The following MACROD1 variants were observed in gnomAD, a reference collection of about 807,000 sequenced individuals.
The protein encoded by MACROD1 is mono-ADP ribosylhydrolase 1, also known as ADP-ribose glycohydrolase MACROD1.
In MACROD1, 31 loss-of-function variants were observed where a neutral mutation model predicts 41.4. That is an observed-to-expected ratio of 0.75 (90% CI 0.56 to 1.01). The LOEUF (loss-of-function observed/expected upper bound fraction) is 1.01. Among genes scored for constraint, MACROD1 ranks in the 50% least tolerant of loss-of-function variants. MACROD1 has a pLI of 0.00. For missense variants in MACROD1, 473 were observed against 460.0 expected (o/e 1.03, Z -0.26); for synonymous variants, 252 against 203.4 (o/e 1.24, Z -2.03).
In MACROD1 at chr11:64,165,623, G is replaced by GT. The variant is rs1486183057; in HGVS notation, c.298+73dup. 32 of 1,287,360 alleles carry GT rather than the reference G, an allele frequency of 2.5e-5. No homozygotes were observed. In the Admixed American group the frequency reaches 1.3e-3, roughly 52 times the overall value. The allele number at this position is 1,287,360 out of a possible 1,614,324, so 79.7% of individuals were successfully genotyped here. A position where few individuals can be genotyped will look rare whatever the true frequency, so the allele number is the denominator to read the frequency against. On this transcript the variant is annotated intron_variant, in intron 1 of 10. Coordinates refer to ENST00000255681, the MANE Select transcript of MACROD1 (RefSeq NM_014067.4). ...CTCGGGTGGAAGGGGCTGCTCGCTCGTTGGGGGCCGCCCAGCCGGGAAGCT... is the reference window on the plus strand; with the variant it reads ...CTCGGGTGGAAGGGGCTGCTCGCTCGTTTGGGGGCCGCCCAGCCGGGAAGCT...
chr11:64,096,609 G>C lies in MACROD1; in HGVS notation c.517+54630C>G, dbSNP rs1024336570. On this transcript the variant is annotated intron_variant, in intron 3 of 10. Coordinates refer to ENST00000255681, the MANE Select transcript of MACROD1 (RefSeq NM_014067.4). This position sits in a 1 kb window ranked among gnomAD's most constrained non-coding sequence, Gnocchi z 4.6. ...TTTTTTATTTTTAGTAGACACGGGG[G>C]TATCAACATGTTGGCCAGGCTGGTC... Among the ~76,000 whole-genome samples the C allele has an allele frequency of 8.5e-5, 13 of 152,126 alleles. No individual in the cohort carries two copies. Among genetic ancestry groups the C allele is most frequent in the Admixed American group, 3.3e-4 (5 of 15,276 alleles).
intron 3 of MACROD1, among the ~76,000 whole-genome samples, chr11:64,137,230 G>A (rs989576872): frequency 2.0e-5 from 3 of 152,296 alleles, no homozygotes; most frequent in Non-Finnish European, 4.4e-5. Flanking sequence ...GCCAGCTGCC[G>A]TGAGCACGAC....
chr11:64,165,521 CGCGGGG>C (rs1945825924), intron 1 of MACROD1, among the ~76,000 whole-genome samples, 170 bp downstream of exon 1: 1 of 151,532 alleles, frequency 6.6e-6, no homozygotes, highest in Non-Finnish European at 1.5e-5. Context: ...TGGGAACACG[CGCGGGG>C]GCGGGGGGGG....
In MACROD1 at chr11:64,146,441, T is replaced by G. The variant is rs1945496754; in HGVS notation, c.517+4798A>C. 6.6e-6 allele frequency among the ~76,000 whole-genome samples: 1 copy of G among 152,138 alleles called. No homozygotes were observed. Among genetic ancestry groups the G allele is most frequent in the African/African-American group, 2.4e-5 (1 of 41,428 alleles). On this transcript the variant is annotated intron_variant, in intron 3 of 10. Coordinates refer to ENST00000255681, the MANE Select transcript of MACROD1 (RefSeq NM_014067.4). The surrounding 1 kb of genome is among the most constrained non-coding windows in gnomAD (Gnocchi z 4.7). ...CATTAAGACGGATGCGCCATGCTCCTGTGGGCAGGAGCCGTGGCCGACACA... is the reference window on the plus strand; with the variant it reads ...CATTAAGACGGATGCGCCATGCTCCGGTGGGCAGGAGCCGTGGCCGACACA...
intron 3 of MACROD1, chr11:64,118,240 C>G (rs537238642): frequency 6.2e-7 from 1 of 1,608,024 alleles, no homozygotes; most frequent in South Asian, 1.1e-5. Flanking sequence ...TACGGCACCA[C>G]GCGGGGCTAC....
rs1590881545 is a variant in MACROD1 at position 64,082,234 on chromosome 11, G to A, written c.518-66953C>T. Among the ~76,000 whole-genome samples, 1 of 152,248 alleles carries A rather than the reference G, an allele frequency of 6.6e-6. No individual in the cohort carries two copies. Among genetic ancestry groups the A allele is most frequent in the South Asian group, 2.1e-4 (1 of 4,818 alleles). ...AATATTGGTGCTCTCGGCAGCACTG[G>A]GCCCCTGCTTAGCAGAGGATGGCTG... On this transcript the variant is annotated intron_variant, in intron 3 of 10. Coordinates refer to ENST00000255681, the MANE Select transcript of MACROD1 (RefSeq NM_014067.4). The surrounding 1 kb of genome is among the most constrained non-coding windows in gnomAD (Gnocchi z 4.5).
At chr11:64,081,104 C>G (rs1681203894) in intron 3 of MACROD1, among the ~76,000 whole-genome samples, 1 of 152,190 alleles carries the variant, frequency 6.6e-6, no homozygotes, top group Admixed American at 6.5e-5. Flanking sequence ...TCACTGCAAC[C>G]TCCACCTCCC....
chr11:64,007,472 C>T (rs1942933201), intron 4 of MACROD1, among the ~76,000 whole-genome samples: 1 of 152,070 alleles, frequency 6.6e-6, no homozygotes. Context: ...AGAGTCCGGG[C>T]GGAGAGCTCA....
chr11:64,031,627 C>T (rs145193805), intron 3 of MACROD1, among the ~76,000 whole-genome samples: 3,019 of 152,186 alleles, frequency 0.02, 111 homozygotes, highest in African/African-American at 0.068. Context: ...TACAGGCATC[C>T]GCCACCATGC....
At chr11:63,998,897 C>A (rs779764341) in intron 9 of MACROD1, 25 bp from the exon 10 acceptor site, 3 of 1,593,350 alleles carry the variant, frequency 1.9e-6, no homozygotes. Context: ...ACAGTGAGAG[C>A]CCGCCCCCAG....
chr11:64,083,947 C>T (rs977462018), intron 3 of MACROD1, among the ~76,000 whole-genome samples: 5 of 152,304 alleles, frequency 3.3e-5, no homozygotes, highest in South Asian at 2.1e-4. Context: ...GGCAGCCCGG[C>T]GCTGCTGTGG....
rs758079235 is a variant in MACROD1 at position 63,999,337 on chromosome 11, C to T, written c.885G>A (p.Lys295=). 5 of 1,567,128 alleles carry T rather than the reference C, an allele frequency of 3.2e-6. No individual in the cohort carries two copies. The East Asian group carries it at 9.2e-5, about 29-fold the overall frequency. Residue 295 remains lysine, a synonymous_variant, in exon 8 of 11, where the codon AAG becomes AAA. Transcript: ENST00000255681. ...ATLREWLEQH[K]DKVDRLIICV... ...GCCCGGGCCCAGGACTCACCTTGTC[C>T]TTGTGCTGCTCCAGCCACTCTCGCA...
intron 4 of MACROD1, among the ~76,000 whole-genome samples, chr11:64,002,237 G>A (rs971344718): frequency 8.5e-5 from 13 of 152,208 alleles, no homozygotes; most frequent in African/African-American, 2.4e-4. Context: ...CCGGCTGCTC[G>A]AAGTCTCTGG....
At chr11:64,125,805 G>A (rs1051123310) in intron 3 of MACROD1, among the ~76,000 whole-genome samples, 9 of 152,202 alleles carry the variant, frequency 5.9e-5, no homozygotes, top group African/African-American at 2.2e-4. Flanking sequence ...CCACAGAGGC[G>A]CTGCAAGAAA....
intron 1 of MACROD1, among the ~76,000 whole-genome samples, chr11:64,155,384 C>G (rs1379892083): frequency 6.6e-6 from 1 of 152,260 alleles, no homozygotes; most frequent in Non-Finnish European, 1.5e-5. Context: ...TAGACCCAGG[C>G]TGCGCCTTTT....
At chr11:64,158,559 G>A (rs928491524) in intron 1 of MACROD1, among the ~76,000 whole-genome samples, 3 of 152,134 alleles carry the variant, frequency 2.0e-5, no homozygotes, top group African/African-American at 7.2e-5. Flanking sequence ...GGTTTCTAAT[G>A]TGATCCCAGC....
In MACROD1 at chr11:64,082,623, C is replaced by T. The variant is rs750057167; in HGVS notation, c.518-67342G>A. ...GGGCTGAAGACGGAACCTCTGAGTG[C>T]AGGCACCAGGTGGGAGGGTGGGGAC... On this transcript the variant is annotated intron_variant, in intron 3 of 10. Transcript: ENST00000255681. The surrounding 1 kb of genome is among the most constrained non-coding windows in gnomAD (Gnocchi z 4.5). 6.6e-6 allele frequency among the ~76,000 whole-genome samples: 1 copy of T among 152,186 alleles called. No homozygotes were observed. Among genetic ancestry groups the T allele is most frequent in the Non-Finnish European group, 1.5e-5 (1 of 67,968 alleles).
At chr11:64,011,188 T>C (rs1437038263) in intron 4 of MACROD1, among the ~76,000 whole-genome samples, 1 of 148,536 alleles carries the variant, frequency 6.7e-6, no homozygotes, top group Non-Finnish European at 1.5e-5. Context: ...GTTGGGGTAT[T>C]TGTTGGGGTG....
Position 64,165,881 on chromosome 11 carries a change from G to A in MACROD1, c.114C>T (p.Arg38=), listed in dbSNP as rs1243787717. Residue 38 remains arginine (R), a synonymous_variant, in exon 1 of 11, where the codon CGC becomes CGT. Transcript: ENST00000255681. Reference sequence around the variant, plus strand: ...ACGCCGGGGGACCGCACGTGCTGCTGCGGGTCCTCGTGGCACCCGCCAAGT... The same window carrying A: ...ACGCCGGGGGACCGCACGTGCTGCTACGGGTCCTCGTGGCACCCGCCAAGT... ...PGHLAGATRT[R]SSTCGPPAFL... is the part of the protein sequence containing the mutation. 1.8e-5 allele frequency: 25 copies of A among 1,407,136 alleles called. No individual in the cohort carries two copies. The highest frequency in any genetic ancestry group is 2.3e-5 in the Non-Finnish European group (25 of 1,084,072). 87.2% of individuals were successfully genotyped at this position (1,407,136 alleles called of 1,614,324 possible). A position where few individuals can be genotyped will look rare whatever the true frequency, so the allele number is the denominator to read the frequency against.
Sources: allele counts gnomAD v4.1 joint callset (sites outside exome capture counted in the v4.1 genomes callset), GRCh38; gene constraint gnomAD v4.1.1; non-coding constraint Gnocchi (gnomAD v3.1); transcripts MANE v1.5; gene names NCBI Gene and HGNC (gene_info 2026-07-23, HGNC 2026-07-21).